The following MFSD6 variants were observed in gnomAD, a reference collection of about 807,000 sequenced individuals.
The protein encoded by MFSD6 is major facilitator superfamily domain-containing protein 6.
In MFSD6, 26 loss-of-function variants were observed where a neutral mutation model predicts 56.3. The observed-to-expected ratio is 0.46, with a 90% confidence interval of 0.34 to 0.64. The LOEUF is 0.64. MFSD6 is among the 30% of genes least tolerant of loss of function. The probability of loss-of-function intolerance (pLI) is 0.01; values close to 1 mark genes in which losing one functional copy is unlikely to be tolerated. For synonymous variants in MFSD6, 331 were observed against 366.9 expected, an observed-to-expected ratio of 0.90 and a Z score of 1.12; for missense variants, 750 against 986.2, an observed-to-expected ratio of 0.76 and a Z score of 3.21.
intron 3 of MFSD6, among the ~76,000 whole-genome samples, chr2:190,455,309 G>A (rs572865471): frequency 9.2e-5 from 14 of 152,104 alleles, no homozygotes; most frequent in African/African-American, 1.4e-4. Context: ...GAAATCTAAC[G>A]TTTTAAGTAT....
intron 2 of MFSD6, among the ~76,000 whole-genome samples, chr2:190,422,897 T>C (rs1685673372): frequency 6.6e-6 from 1 of 152,170 alleles, no homozygotes; most frequent in Non-Finnish European, 1.5e-5. Flanking sequence ...TCTTTTTTTT[T>C]CTTCATATTA....
At position 190,410,401 on chromosome 2, in the gene MFSD6, A is replaced by G. The variant is rs927764510; in HGVS notation, c.-176+1898A>G. Among the ~76,000 whole-genome samples the G allele has an allele frequency of 2.0e-5, 3 of 152,196 alleles. No individual in the cohort carries two copies. The highest frequency in any genetic ancestry group is 7.2e-5 in the African/African-American group (3 of 41,452). On this transcript the variant is annotated intron_variant, in intron 1 of 7. Coordinates refer to ENST00000392328, the MANE Select transcript of MFSD6 (RefSeq NM_017694.4). The surrounding 1 kb of genome is among the most constrained non-coding windows in gnomAD (Gnocchi z 4.4). ...GCTCCAAAGCCCAGGAAATTTCCAC[A>G]TGGTGTCCCTCCCTAATCAGAACCT...
chr2:190,460,216 T>C (rs1386629100), intron 3 of MFSD6, among the ~76,000 whole-genome samples: 2 of 152,276 alleles, frequency 1.3e-5, no homozygotes, highest in Non-Finnish European at 2.9e-5. Flanking sequence ...GAGCTATTTA[T>C]TGTTTGTCCA....
rs144024157 is a variant in MFSD6 at position 190,425,530 on chromosome 2, T to C, written c.-54+10117T>C. ...CTCTGTTCTTAGTTTTCTGAGACTT[T>C]TACCTCAGAACCTATTTTCTGAGAC... On this transcript the variant is annotated intron_variant, in intron 2 of 7. Transcript: ENST00000392328. The surrounding 1 kb of genome is among the most constrained non-coding windows in gnomAD (Gnocchi z 4.3). 4.6e-5 allele frequency among the ~76,000 whole-genome samples: 7 copies of C among 152,342 alleles called. No individual in the cohort carries two copies. The highest frequency in any genetic ancestry group is 1.7e-4 in the African/African-American group (7 of 41,590).
Position 190,436,203 on chromosome 2 carries a change from G to A in MFSD6, c.174G>A (p.Glu58=). The A allele has an allele frequency of 6.2e-7, 1 of 1,614,152 alleles. No individual in the cohort carries two copies. Among genetic ancestry groups the A allele is most frequent in the South Asian group, 1.1e-5 (1 of 91,076 alleles). The change falls in exon 3 of 8, where the codon GAG becomes GAA. Residue 58 remains glutamate (E), a synonymous_variant. Transcript: ENST00000392328. The surrounding 1 kb of genome is among the most constrained non-coding windows in gnomAD (Gnocchi z 5.3). ...AIPEEEIDWI[E]KHCVKINNDL... ...CTGAGGAGGAAATAGACTGGATAGA[G>A]AAACATTGTGTTAAGATAAACAACG...
At position 190,459,641 on chromosome 2, in the gene MFSD6, C is replaced by G. The variant is rs1178750341; in HGVS notation, c.1533-10117C>G. On this transcript the variant is annotated intron_variant, in intron 3 of 7. Coordinates refer to ENST00000392328, the MANE Select transcript of MFSD6 (RefSeq NM_017694.4). The surrounding 1 kb of genome is among the most constrained non-coding windows in gnomAD (Gnocchi z 5.3). Reference sequence around the variant, plus strand: ...AGATACACACAACTTAAGAAAAAAACAGATAAACTAAAATAACAATGGAGA... The same window carrying G: ...AGATACACACAACTTAAGAAAAAAAGAGATAAACTAAAATAACAATGGAGA... 6.6e-6 allele frequency among the ~76,000 whole-genome samples: 1 copy of G among 152,028 alleles called. No individual in the cohort carries two copies. The highest frequency in any genetic ancestry group is 2.4e-5 in the African/African-American group (1 of 41,386).
chr2:190,474,803 T>C (rs1242519123), intron 4 of MFSD6, among the ~76,000 whole-genome samples: 2 of 152,166 alleles, frequency 1.3e-5, no homozygotes, highest in Non-Finnish European at 2.9e-5. Context: ...TGAAGATAGA[T>C]GCAAAAATCC....
At chr2:190,453,954 A>G (rs545892010) in intron 3 of MFSD6, 1 of 152,338 alleles carries the variant, frequency 6.6e-6, no homozygotes, top group South Asian at 2.1e-4. Context: ...GCTACTGGTA[A>G]CTGGAATATA....
Position 190,437,497 on chromosome 2 carries a change from C to G in MFSD6, c.1468C>G (p.His490Asp). The G allele has an allele frequency of 6.2e-7, 1 of 1,614,208 alleles. No individual in the cohort carries two copies. The highest frequency in any genetic ancestry group is 8.5e-7 in the Non-Finnish European group (1 of 1,180,038). The change falls in exon 3 of 8, where the codon CAT (histidine) becomes GAT (aspartate). Residue 490 changes from histidine (H) to aspartate (D), a missense_variant. Transcript: ENST00000392328. The surrounding 1 kb of genome is among the most constrained non-coding windows in gnomAD (Gnocchi z 5.9). ...TLFGVCSVLS[H>D]VSELTAYFFS... ...CTTTGGGGTCTGTTCAGTCCTGAGT[C>G]ATGTGTCTGAGCTGACAGCATATTT...
chr2:190,446,233 A>G (rs1056453137), intron 3 of MFSD6, among the ~76,000 whole-genome samples: 2 of 152,216 alleles, frequency 1.3e-5, no homozygotes, highest in African/African-American at 2.4e-5. Flanking sequence ...TAATAATCAT[A>G]GAATTATTAC....
intron 1 of MFSD6, among the ~76,000 whole-genome samples, chr2:190,414,593 C>T (rs186383193): frequency 1.6e-4 from 24 of 152,214 alleles, no homozygotes; most frequent in Admixed American, 4.6e-4. Context: ...ATTCCGTATA[C>T]TGGGAAGCAC....
rs1333741994 is a variant in MFSD6 at position 190,465,269 on chromosome 2, G to A, written c.1533-4489G>A. On this transcript the variant is annotated intron_variant, in intron 3 of 7. Transcript: ENST00000392328. This position sits in a 1 kb window ranked among gnomAD's most constrained non-coding sequence, Gnocchi z 4.6. ...CTTATCAATTGTGTTCCTCTTTATA[G>A]ATAACTTCAGTTTACCAACCACCTG... Among the ~76,000 whole-genome samples the A allele has an allele frequency of 1.3e-5, 2 of 152,108 alleles. No individual in the cohort carries two copies. The highest frequency in any genetic ancestry group is 2.9e-5 in the Non-Finnish European group (2 of 68,030).
intron 4 of MFSD6, among the ~76,000 whole-genome samples, chr2:190,480,035 C>A (rs1054915694): frequency 6.6e-5 from 10 of 152,242 alleles, no homozygotes; most frequent in Admixed American, 5.2e-4. Context: ...TGGTGGCATG[C>A]GCCTGTGGTC....
At position 190,437,063 on chromosome 2, in the gene MFSD6, G is replaced by C. The variant is rs1279845837; in HGVS notation, c.1034G>C (p.Gly345Ala). The change falls in exon 3 of 8, where the codon GGG (glycine) becomes GCG (alanine). Residue 345 changes from glycine to alanine, a missense_variant. Gly to Ala is a moderately conservative substitution (Grantham distance 60, BLOSUM62 0). Coordinates refer to ENST00000392328, the MANE Select transcript of MFSD6 (RefSeq NM_017694.4). The surrounding 1 kb of genome is among the most constrained non-coding windows in gnomAD (Gnocchi z 5.9). ...CTGGCGATGCTGTCTGTGGGCATCG[G>C]GATCGACTACACCCACATCGAAGTG... ...WGLAMLSVGI[G>A]IDYTHIEVLI... 1 of 1,614,212 alleles carries C rather than the reference G, an allele frequency of 6.2e-7. No individual in the cohort carries two copies. Among genetic ancestry groups the C allele is most frequent in the East Asian group, 2.2e-5 (1 of 44,886 alleles).
rs1033642727 is a variant in MFSD6 at position 190,465,820 on chromosome 2, C to T, written c.1533-3938C>T. Among the ~76,000 whole-genome samples the T allele has an allele frequency of 2.6e-5, 4 of 152,040 alleles. No individual in the cohort carries two copies. Among genetic ancestry groups the T allele is most frequent in the African/African-American group, 9.7e-5 (4 of 41,382 alleles). The stretch of plus-strand genomic sequence containing the variant: ...CCAGCCTGGCCAACATAGTGAAACC[C>T]CATCTCTACTAAAAATACAAAAATT... On this transcript the variant is annotated intron_variant, in intron 3 of 7. Coordinates refer to ENST00000392328, the MANE Select transcript of MFSD6 (RefSeq NM_017694.4). The surrounding 1 kb of genome is among the most constrained non-coding windows in gnomAD (Gnocchi z 4.6).
At chr2:190,475,113 G>A (rs889821498) in intron 4 of MFSD6, among the ~76,000 whole-genome samples, 1 of 152,140 alleles carries the variant, frequency 6.6e-6, no homozygotes, top group African/African-American at 2.4e-5. Context: ...ATATCATACT[G>A]AATGGGCAAA....
chr2:190,437,228 A>AT lies in MFSD6; in HGVS notation c.1201dup (p.Ser401PhefsTer2), dbSNP rs754511840. On this transcript the variant is annotated frameshift_variant, in exon 3 of 8. Transcript: ENST00000392328. LOFTEE classifies it high-confidence loss of function. This position sits in a 1 kb window ranked among gnomAD's most constrained non-coding sequence, Gnocchi z 5.9. ...CGCTACAACCATTTCAAAAACGATG[A>AT]TTCTAAAGGGAAAGAGGTGGAGATC... 1 of 1,614,264 alleles carries AT rather than the reference A, an allele frequency of 6.2e-7. No individual in the cohort carries two copies. The highest frequency in any genetic ancestry group is 1.7e-5 in the Admixed American group (1 of 60,036).
chr2:190,469,192 TA>T lies in MFSD6; in HGVS notation c.1533-565del, dbSNP rs1687773122. 6.6e-6 allele frequency among the ~76,000 whole-genome samples: 1 copy of T among 152,238 alleles called. No homozygotes were observed. Among genetic ancestry groups the T allele is most frequent in the Non-Finnish European group, 1.5e-5 (1 of 68,040 alleles). On this transcript the variant is annotated intron_variant, in intron 3 of 7. Coordinates refer to ENST00000392328, the MANE Select transcript of MFSD6 (RefSeq NM_017694.4). This position sits in a 1 kb window ranked among gnomAD's most constrained non-coding sequence, Gnocchi z 5.3. Reference sequence around the variant, plus strand: ...TATCCATTGAACTGATAGGAGAAACTATTTGATTTCCAAATAGTTTATAGTA... The same window carrying T: ...TATCCATTGAACTGATAGGAGAAACTTTTGATTTCCAAATAGTTTATAGTA...
In MFSD6 at chr2:190,436,937, C is replaced by A; in HGVS notation, c.908C>A (p.Ala303Asp). 6.2e-7 allele frequency: 1 copy of A among 1,614,220 alleles called. No individual in the cohort carries two copies. The highest frequency in any genetic ancestry group is 8.5e-7 in the Non-Finnish European group (1 of 1,180,046). ...GTCATAATAGGAGAATTTTTCAGTG[C>A]CTCTTCTGTCACAATCGTAGACACG... ...VVVIIGEFFS[A>D]SSVTIVDTVT... The change falls in exon 3 of 8, where the codon GCC becomes GAC. Residue 303 changes from alanine to aspartate, a missense_variant. Transcript: ENST00000392328. The surrounding 1 kb of genome is among the most constrained non-coding windows in gnomAD (Gnocchi z 5.3).
Sources: allele counts gnomAD v4.1 joint callset (sites outside exome capture counted in the v4.1 genomes callset), GRCh38; gene constraint gnomAD v4.1.1; non-coding constraint Gnocchi (gnomAD v3.1); transcripts MANE v1.5; gene names NCBI Gene and HGNC (gene_info 2026-07-23, HGNC 2026-07-21).